The following DAPL1 variants were observed in gnomAD, a reference collection of about 807,000 sequenced individuals.
DAPL1 encodes death-associated protein-like 1.
Under a neutral mutation model 12.9 loss-of-function variants are expected in DAPL1, and 17 were observed. The ratio of observed to expected loss-of-function variants is 1.32; its 90% confidence interval spans 0.90 to 1.98. The LOEUF is 1.98. Ranked by LOEUF, DAPL1 falls within the 30% of genes most tolerant of loss-of-function variation. The probability of loss-of-function intolerance (pLI) is 0.00; values close to 1 mark genes in which losing one functional copy is unlikely to be tolerated. For synonymous variants in DAPL1, 51 were observed against 42.0 expected, an observed-to-expected ratio of 1.21 and a Z score of -0.82; for missense variants, 157 against 125.7, an observed-to-expected ratio of 1.25 and a Z score of -1.19.
rs1284311870 is a variant in DAPL1 at position 158,807,091 on chromosome 2, T to C, written c.183T>C (p.Asp61=). ...ATGTTGCCAAAATACAGACACTGGATGCCCTGAATGACGCACTGGAGAAGG... is the reference window on the plus strand; with the variant it reads ...ATGTTGCCAAAATACAGACACTGGACGCCCTGAATGACGCACTGGAGAAGG... ...IANVAKIQTL[D]ALNDALEKLN... The change falls in exon 3 of 4, where the codon GAT becomes GAC. Residue 61 remains aspartate, a synonymous_variant. Transcript: ENST00000309950. 2 of 1,611,414 alleles carry C rather than the reference T, an allele frequency of 1.2e-6. No individual in the cohort carries two copies. The highest frequency in any genetic ancestry group is 1.7e-5 in the Admixed American group (1 of 59,926).
chr2:158,808,873 G>A (rs1460106731), intron 3 of DAPL1, among the ~76,000 whole-genome samples: 1 of 152,198 alleles, frequency 6.6e-6, no homozygotes, highest in Non-Finnish European at 1.5e-5. Flanking sequence ...GGTTGGTCAT[G>A]CTGTGTATTA....
intron 1 of DAPL1, among the ~76,000 whole-genome samples, chr2:158,800,445 TAA>T (rs2059161015): frequency 6.6e-6 from 1 of 152,188 alleles, no homozygotes; most frequent in East Asian, 1.9e-4. Context: ...TAATAATTAG[TAA>T]TTAGTAAGTG....
intron 2 of DAPL1, among the ~76,000 whole-genome samples, chr2:158,805,498 G>A (rs2059196261): frequency 1.6e-5 from 2 of 122,496 alleles, no homozygotes; most frequent in South Asian, 4.5e-4. Flanking sequence ...TGAATTGCAA[G>A]CTGATTAACT....
At chr2:158,815,616 T>A (rs1466604023) in intron 3 of DAPL1, 89 bp from the exon 4 acceptor site, 2 of 834,048 alleles carry the variant, frequency 2.4e-6, no homozygotes, top group Admixed American at 3.8e-5. Context: ...TGAGATTCCC[T>A]TGATCAACGA....
rs76050687 is a variant in DAPL1 at position 158,808,359 on chromosome 2, A to G, written c.207+1244A>G. Among the ~76,000 whole-genome samples, 1,275 of 152,348 alleles carry G rather than the reference A, an allele frequency of 8.4e-3. 6 individuals are homozygous for G. The highest frequency in any genetic ancestry group is 0.013 in the Non-Finnish European group (883 of 68,036). ...AGTTACATGTGTGTATAATGGAGGT[A>G]AGGAAGAGTGCACAGCTTATAGGGT... On this transcript the variant is annotated intron_variant, in intron 3 of 3. Transcript: ENST00000309950.
rs148963788 is a variant in DAPL1, at chr2:158,797,747, C to T, written c.58+2317C>T. ...CAGAGATTGCGGTGAGCAGAGATCA[C>T]GCCACTGCACTCCAGCCTGGGCAAC... On this transcript the variant is annotated intron_variant, in intron 1 of 3. Coordinates refer to ENST00000309950, the MANE Select transcript of DAPL1 (RefSeq NM_001017920.3). 3.6e-4 allele frequency among the ~76,000 whole-genome samples: 54 copies of T among 151,786 alleles called. No homozygotes were observed. The East Asian group carries it at 8.3e-3, about 23-fold the overall frequency.
chr2:158,811,858 GC>G (rs1449785657), intron 3 of DAPL1, among the ~76,000 whole-genome samples: 3 of 152,186 alleles, frequency 2.0e-5, no homozygotes, highest in Non-Finnish European at 4.4e-5. Context: ...AACACAGCTG[GC>G]TGTAGCTTAT....
In DAPL1 at chr2:158,795,379, A is replaced by G; in HGVS notation, c.7A>G (p.Asn3Asp). ...ACTGGCACTGGCACACGCTATGGCAAATGAAGTGCAAGACCTGCTCTCCCC... is the reference window on the plus strand; with the variant it reads ...ACTGGCACTGGCACACGCTATGGCAGATGAAGTGCAAGACCTGCTCTCCCC... MA[N>D]EVQDLLSPRK... The change falls in exon 1 of 4, where the codon AAT becomes GAT. Residue 3 changes from asparagine (N) to aspartate (D), a missense_variant. Asn to Asp is a conservative substitution (Grantham distance 23, BLOSUM62 1). Transcript: ENST00000309950. The G allele has an allele frequency of 6.4e-7, 1 of 1,555,298 alleles. No individual in the cohort carries two copies.
rs1218287958 is a variant in DAPL1, at chr2:158,815,861, A to C, written c.*40A>C. 1.4e-6 allele frequency: 2 copies of C among 1,421,686 alleles called. No homozygotes were observed. Among genetic ancestry groups the C allele is most frequent in the Admixed American group, 3.3e-5 (2 of 59,720 alleles). 88.1% of individuals were successfully genotyped at this position (1,421,686 alleles called of 1,614,324 possible). A position where few individuals can be genotyped will look rare whatever the true frequency, so the allele number is the denominator to read the frequency against. The stretch of plus-strand genomic sequence containing the variant: ...CACAGCCGTCTGGCCAGCTGCCTCG[A>C]ATATCTGACAGCTTAGCAAAAAGGG... On this transcript the variant is annotated 3_prime_UTR_variant, in exon 4 of 4. Transcript: ENST00000309950.
intron 3 of DAPL1, among the ~76,000 whole-genome samples, chr2:158,812,397 G>T (rs2059235704): frequency 6.6e-6 from 1 of 152,202 alleles, no homozygotes; most frequent in South Asian, 2.1e-4. Flanking sequence ...GAATGCCTCA[G>T]TTAAAATGTA....
intron 1 of DAPL1, among the ~76,000 whole-genome samples, chr2:158,796,249 T>G (rs1479278387): frequency 6.6e-6 from 1 of 152,248 alleles, no homozygotes; most frequent in Admixed American, 6.5e-5. Flanking sequence ...GTTCTTGCCT[T>G]TCTCCATTTA....
chr2:158,809,764 G>A (rs1467899264), intron 3 of DAPL1, among the ~76,000 whole-genome samples: 1 of 152,142 alleles, frequency 6.6e-6, no homozygotes, highest in East Asian at 1.9e-4. Context: ...AAAGCGTAAG[G>A]CACCAGCAAC....
chr2:158,797,573 C>T (rs1450211171), intron 1 of DAPL1, among the ~76,000 whole-genome samples: 1 of 152,158 alleles, frequency 6.6e-6, no homozygotes, highest in Non-Finnish European at 1.5e-5. Flanking sequence ...GGGTGGATCA[C>T]CTGAGGTCAG....
At chr2:158,814,491 C>G (rs1461090571) in intron 3 of DAPL1, among the ~76,000 whole-genome samples, 1 of 152,130 alleles carries the variant, frequency 6.6e-6, no homozygotes, top group Non-Finnish European at 1.5e-5. Flanking sequence ...GAGGCATTGC[C>G]CATAATTCTA....
intron 1 of DAPL1, among the ~76,000 whole-genome samples, chr2:158,798,595 C>T (rs1425826756): frequency 2.6e-5 from 4 of 152,014 alleles, no homozygotes; most frequent in African/African-American, 7.2e-5. Flanking sequence ...GAAGAGTGAA[C>T]GGAGACTCAG....
chr2:158,800,862 CA>C (rs1211075042), intron 1 of DAPL1, among the ~76,000 whole-genome samples: 1 of 151,986 alleles, frequency 6.6e-6, no homozygotes, highest in African/African-American at 2.4e-5. Context: ...TTTTTTTAGA[CA>C]GAATCTCACT....
chr2:158,809,730 C>G (rs1176449439), intron 3 of DAPL1, among the ~76,000 whole-genome samples: 3 of 152,178 alleles, frequency 2.0e-5, no homozygotes, highest in Non-Finnish European at 4.4e-5. Flanking sequence ...GGCCTGCATC[C>G]TGCCTTCACT....
chr2:158,807,128 C>T lies in DAPL1; in HGVS notation c.207+13C>T. On this transcript the variant is annotated intron_variant, in intron 3 of 3. Coordinates refer to ENST00000309950, the MANE Select transcript of DAPL1 (RefSeq NM_001017920.3). Reference sequence around the variant, plus strand: ...CGCACTGGAGAAGGTGAGCCGTGGGCAAATCACATAGCGCTCCAAGTCAAT... The same window carrying T: ...CGCACTGGAGAAGGTGAGCCGTGGGTAAATCACATAGCGCTCCAAGTCAAT... 2 of 1,601,648 alleles carry T rather than the reference C, an allele frequency of 1.2e-6. No homozygotes were observed. The highest frequency in any genetic ancestry group is 1.1e-5 in the South Asian group (1 of 89,508).
chr2:158,800,239 C>T (rs2059159904), intron 1 of DAPL1, among the ~76,000 whole-genome samples: 1 of 152,036 alleles, frequency 6.6e-6, no homozygotes, highest in African/African-American at 2.4e-5. Flanking sequence ...CCAAAGTTCT[C>T]CTAAGGTATT....
Sources: allele counts gnomAD v4.1 joint callset (sites outside exome capture counted in the v4.1 genomes callset), GRCh38; gene constraint gnomAD v4.1.1; transcripts MANE v1.5; gene names NCBI Gene and HGNC (gene_info 2026-07-23, HGNC 2026-07-21).